Variants in NOS1AP observed in about 807,000 individuals in gnomAD.
NOS1AP encodes carboxyl-terminal PDZ ligand of neuronal nitric oxide synthase protein.
A neutral mutation model predicts 56.2 loss-of-function variants in NOS1AP; 21 were observed. The observed-to-expected ratio is 0.37, with a 90% confidence interval of 0.26 to 0.54. NOS1AP has a LOEUF of 0.54. NOS1AP is among the 20% of genes least tolerant of loss of function. The probability of loss-of-function intolerance (pLI) is 0.84; values close to 1 mark genes in which losing one functional copy is unlikely to be tolerated. For missense variants in NOS1AP, 522 were observed against 657.8 expected, an observed-to-expected ratio of 0.79 and a Z score of 2.26; for synonymous variants, 270 against 274.6, an observed-to-expected ratio of 0.98 and a Z score of 0.17.
intron 1 of NOS1AP, among the ~76,000 whole-genome samples, chr1:162,101,809 G>A (rs1309224867): frequency 1.3e-5 from 2 of 152,156 alleles, no homozygotes; most frequent in Non-Finnish European, 1.5e-5. Flanking sequence ...AGACTTTGCT[G>A]AAGTTGCTTA....
At chr1:162,193,008 T>C (rs1356575373) in intron 2 of NOS1AP, among the ~76,000 whole-genome samples, 3 of 152,134 alleles carry the variant, frequency 2.0e-5, no homozygotes. Context: ...TGCCAGGAAC[T>C]GACAGCCTCT....
chr1:162,323,677 G>A (rs1163642912), intron 4 of NOS1AP, among the ~76,000 whole-genome samples: 3 of 152,132 alleles, frequency 2.0e-5, no homozygotes, highest in Non-Finnish European at 2.9e-5. Context: ...ACTACTATGC[G>A]GCAGACCCTA....
At chr1:162,182,281 C>T (rs2102146531) in intron 2 of NOS1AP, among the ~76,000 whole-genome samples, 1 of 152,296 alleles carries the variant, frequency 6.6e-6, no homozygotes, top group East Asian at 1.9e-4. Context: ...ACAATACTGT[C>T]AAGTTGGTAC....
At chr1:162,180,487 G>A (rs1435409157) in intron 2 of NOS1AP, among the ~76,000 whole-genome samples, 1 of 152,104 alleles carries the variant, frequency 6.6e-6, no homozygotes, top group Middle Eastern at 3.2e-3. Context: ...CTTGTGATCC[G>A]CCTGCCTCAG....
Position 162,118,156 on chromosome 1 carries a change from T to C in NOS1AP, c.106-36249T>C, listed in dbSNP as rs902682610. 4.6e-5 allele frequency among the ~76,000 whole-genome samples: 7 copies of C among 152,354 alleles called. No homozygotes were observed. In the East Asian group the frequency reaches 1.3e-3, roughly 29 times the overall value. ...CACATACAGGTTTGTTCCATGGGTA[T>C]ATTGCATGACATTGAGGCTTGGGGT... is the stretch of plus-strand genomic sequence containing the variant. On this transcript the variant is annotated intron_variant, in intron 1 of 9. Coordinates refer to ENST00000361897, the MANE Select transcript of NOS1AP (RefSeq NM_014697.3).
chr1:162,251,769 C>T (rs565495510), intron 2 of NOS1AP, among the ~76,000 whole-genome samples: 1 of 151,390 alleles, frequency 6.6e-6, no homozygotes, highest in Non-Finnish European at 1.5e-5. Flanking sequence ...CTCACTGTAG[C>T]CTTGAACTCC....
intron 3 of NOS1AP, among the ~76,000 whole-genome samples, chr1:162,300,105 C>G (rs1034666380): frequency 7.9e-5 from 12 of 152,204 alleles, no homozygotes; most frequent in Non-Finnish European, 1.6e-4. Context: ...GCAGGATTCT[C>G]TGTCCTTGCA....
At chr1:162,183,189 A>C (rs148455367) in intron 2 of NOS1AP, among the ~76,000 whole-genome samples, 159 of 152,324 alleles carry the variant, frequency 1.0e-3, no homozygotes, top group African/African-American at 3.7e-3. Context: ...TCCATCAGAG[A>C]TCTTGGGTAA....
chr1:162,362,684 G>C (rs1463027968), intron 8 of NOS1AP, among the ~76,000 whole-genome samples: 1 of 152,094 alleles, frequency 6.6e-6, no homozygotes, highest in Admixed American at 6.5e-5. Flanking sequence ...GGTTCCTTTC[G>C]ATGCCACTCT....
intron 1 of NOS1AP, among the ~76,000 whole-genome samples, chr1:162,104,770 T>C (rs1026681555): frequency 2.0e-5 from 3 of 152,236 alleles, no homozygotes; most frequent in African/African-American, 7.2e-5. Context: ...GTTATGTTCC[T>C]CTCTAACCTG....
chr1:162,106,559 C>T (rs935728994), intron 1 of NOS1AP, among the ~76,000 whole-genome samples: 2 of 151,946 alleles, frequency 1.3e-5, no homozygotes, highest in Non-Finnish European at 2.9e-5. Context: ...TATGTTCTTT[C>T]TTAGACTGTT....
chr1:162,360,008 T>TCCCC (rs772456094), intron 8 of NOS1AP, among the ~76,000 whole-genome samples: 1 of 140,892 alleles, frequency 7.1e-6, no homozygotes, highest in African/African-American at 2.6e-5. Context: ...ATTTATGTCG[T>TCCCC]CCCCCCCCCA....
intron 1 of NOS1AP, among the ~76,000 whole-genome samples, chr1:162,136,634 G>C (rs956218585): frequency 3.9e-5 from 6 of 152,082 alleles, no homozygotes; most frequent in African/African-American, 1.4e-4. Flanking sequence ...TTTCTCATGT[G>C]CTGCAGAGGT....
intron 2 of NOS1AP, among the ~76,000 whole-genome samples, chr1:162,168,089 G>A (rs531027414): frequency 6.6e-6 from 1 of 152,074 alleles, no homozygotes; most frequent in South Asian, 2.1e-4. Flanking sequence ...TTTGCCTGTA[G>A]CAACTCACTG....
intron 2 of NOS1AP, among the ~76,000 whole-genome samples, chr1:162,243,127 G>C (rs1053614283): frequency 6.6e-6 from 1 of 152,150 alleles, no homozygotes; most frequent in Non-Finnish European, 1.5e-5. Flanking sequence ...TCTGCTTTAG[G>C]AGTGATATCC....
At chr1:162,078,787 G>A (rs1223011267) in intron 1 of NOS1AP, among the ~76,000 whole-genome samples, 1 of 152,090 alleles carries the variant, frequency 6.6e-6, no homozygotes, top group Non-Finnish European at 1.5e-5. Context: ...CAACCCAACT[G>A]TAGTACCCAC....
intron 1 of NOS1AP, among the ~76,000 whole-genome samples, chr1:162,116,943 C>T (rs1287827125): frequency 6.6e-6 from 1 of 152,150 alleles, no homozygotes; most frequent in Non-Finnish European, 1.5e-5. Context: ...GGAGGGTACT[C>T]ATATATTTCA....
chr1:162,135,588 C>T (rs1043173910), intron 1 of NOS1AP, among the ~76,000 whole-genome samples: 2 of 152,156 alleles, frequency 1.3e-5, no homozygotes, highest in Non-Finnish European at 2.9e-5. Flanking sequence ...GCAGCCAGGT[C>T]TGTGCAGGGA....
At chr1:162,126,558 C>A (rs1472076668) in intron 1 of NOS1AP, among the ~76,000 whole-genome samples, 1 of 150,110 alleles carries the variant, frequency 6.7e-6, no homozygotes, top group African/African-American at 2.4e-5. Context: ...TTTCACTTAA[C>A]AACACTTAAT....
Sources: allele counts gnomAD v4.1 joint callset (sites outside exome capture counted in the v4.1 genomes callset), GRCh38; gene constraint gnomAD v4.1.1; transcripts MANE v1.5; gene names NCBI Gene and HGNC (gene_info 2026-07-23, HGNC 2026-07-21).